The following SLCO1C1 variants were observed in gnomAD, a reference collection of about 807,000 sequenced individuals.
SLCO1C1 encodes the protein solute carrier organic anion transporter family member 1C1.
Under a neutral mutation model 76.4 loss-of-function variants are expected in SLCO1C1, and 70 were observed. The ratio of observed to expected loss-of-function variants is 0.92; its 90% confidence interval spans 0.76 to 1.12. The LOEUF is 1.12. Among genes scored for constraint, SLCO1C1 ranks in the 50% most tolerant of loss-of-function variants. SLCO1C1 has a pLI of 0.00. For synonymous variants in SLCO1C1, 306 were observed against 286.1 expected (o/e 1.07, Z -0.70); for missense variants, 912 against 823.8 (o/e 1.11, Z -1.31).
intron 9 of SLCO1C1, among the ~76,000 whole-genome samples, chr12:20,730,512 A>G (rs1948219524): frequency 6.6e-6 from 1 of 152,200 alleles, no homozygotes; most frequent in African/African-American, 2.4e-5. Flanking sequence ...TATATTTTCT[A>G]TAATCTATTC....
intron 4 of SLCO1C1, among the ~76,000 whole-genome samples, chr12:20,710,571 A>T (rs1947039919): frequency 6.6e-6 from 1 of 152,168 alleles, no homozygotes; most frequent in South Asian, 2.1e-4. Flanking sequence ...CAGGCTGCCC[A>T]CTAAGCAATG....
Position 20,750,732 on chromosome 12 carries a change from G to A in SLCO1C1, c.1856G>A (p.Trp619Ter). ...TTGATTGATACTTCATGCCTCAAAT[G>A]GGGATTTAAAAGATGTGGAAGTAGA... is the stretch of plus-strand genomic sequence containing the variant. Reference protein sequence around the residue: ...GVLIDTSCLKWGFKRCGSRGS... With the variant: ...GVLIDTSCLK The change falls in exon 14 of 15, where the codon TGG becomes TAG. Residue 619 changes from tryptophan to a stop codon, truncating the protein, a stop_gained. Transcript: ENST00000266509. LOFTEE classifies it high-confidence loss of function. 1.2e-6 allele frequency: 2 copies of A among 1,614,040 alleles called. No homozygotes were observed. The highest frequency in any genetic ancestry group is 1.7e-6 in the Non-Finnish European group (2 of 1,179,946).
rs984886473 is a variant in SLCO1C1 at position 20,732,779 on chromosome 12, T to C, written c.1187-130T>C. On this transcript the variant is annotated intron_variant, in intron 9 of 14. Coordinates refer to ENST00000266509, the MANE Select transcript of SLCO1C1 (RefSeq NM_017435.5). Reference sequence around the variant, plus strand: ...CTAGATACTCATCATACACTCTTTGTATATGTCAGTAGATGATAGTGACTA... The same window carrying C: ...CTAGATACTCATCATACACTCTTTGCATATGTCAGTAGATGATAGTGACTA... The C allele has an allele frequency of 1.2e-5, 11 of 913,128 alleles. No individual in the cohort carries two copies. In the African/African-American group the frequency reaches 1.5e-4, roughly 13 times the overall value. The allele number at this position is 913,128 out of a possible 1,614,324, so 56.6% of individuals were successfully genotyped here. A position where few individuals can be genotyped will look rare whatever the true frequency, so the allele number is the denominator to read the frequency against.
intron 13 of SLCO1C1, among the ~76,000 whole-genome samples, 181 bp downstream of exon 13, chr12:20,743,550 C>T (rs1462892585): frequency 6.6e-6 from 1 of 152,058 alleles, no homozygotes; most frequent in African/African-American, 2.4e-5. Flanking sequence ...CTCCTTTCTT[C>T]GTTACAGAAA....
rs370037462 is a variant in SLCO1C1 at position 20,727,344 on chromosome 12, C to T, written c.1186+4090C>T. Among the ~76,000 whole-genome samples the T allele has an allele frequency of 4.1e-4, 62 of 152,242 alleles. 1 individual carries two copies. In the South Asian group the frequency reaches 0.012, roughly 30 times the overall value. On this transcript the variant is annotated intron_variant, in intron 9 of 14. Transcript: ENST00000266509. ...CAACCTACAAGCATCCCCTTTTCTC[C>T]GCAGCCTCACCAACATCTGTTATTT...
rs1181677374 is a variant in SLCO1C1 at position 20,752,570 on chromosome 12, T to G, written c.*42T>G. 1 of 1,462,708 alleles carries G rather than the reference T, an allele frequency of 6.8e-7. No homozygotes were observed. The highest frequency in any genetic ancestry group is 1.4e-5 in the South Asian group (1 of 72,750). 90.6% of individuals were successfully genotyped at this position (1,462,708 alleles called of 1,614,324 possible). On this transcript the variant is annotated 3_prime_UTR_variant, in exon 15 of 15. Transcript: ENST00000266509. ...AGTCATGTCTTCTAATTGGTTGACA[T>G]TTTGCAAACAAATAAATTGTAATCA...
intron 9 of SLCO1C1, among the ~76,000 whole-genome samples, chr12:20,728,119 G>A (rs1948113352): frequency 6.6e-6 from 1 of 152,048 alleles, no homozygotes; most frequent in Admixed American, 6.6e-5. Flanking sequence ...TTTTTACTAG[G>A]CTTTCTTCAG....
Position 20,717,161 on chromosome 12 carries a change from C to A in SLCO1C1, c.706C>A (p.Pro236Thr), listed in dbSNP as rs1947401230. The A allele has an allele frequency of 5.0e-6, 8 of 1,602,270 alleles. No individual in the cohort carries two copies. Among genetic ancestry groups the A allele is most frequent in the South Asian group, 1.1e-5 (1 of 88,144 alleles). The change falls in exon 7 of 15, where the codon CCA (proline) becomes ACA (threonine). Residue 236 changes from proline to threonine, a missense_variant. Coordinates refer to ENST00000266509, the MANE Select transcript of SLCO1C1 (RefSeq NM_017435.5). ...TGTGCAGACGGTTGCAATTATAGGA[C>A]CAATCTTTGGTTTCCTGTTAGGCTC... Reference protein sequence around the residue: ...GCVQTVAIIGPIFGFLLGSLC... With the variant: ...GCVQTVAIIGTIFGFLLGSLC...
At chr12:20,749,400 CT>C (rs1949191122) in intron 13 of SLCO1C1, among the ~76,000 whole-genome samples, 1 of 152,126 alleles carries the variant, frequency 6.6e-6, no homozygotes, top group Non-Finnish European at 1.5e-5. Flanking sequence ...GAGGCAGCTG[CT>C]GCTTAACTCC....
At chr12:20,737,374 C>G in intron 11 of SLCO1C1, 102 bp downstream of exon 11, 1 of 1,187,584 alleles carries the variant, frequency 8.4e-7, no homozygotes, top group Non-Finnish European at 1.1e-6. Flanking sequence ...AGGAGGCTTG[C>G]CTCTTACCTC....
chr12:20,715,280 A>G lies in SLCO1C1; in HGVS notation c.671A>G (p.Tyr224Cys), dbSNP rs2120704310. 1 of 1,613,424 alleles carries G rather than the reference A, an allele frequency of 6.2e-7. No individual in the cohort carries two copies. Residue 224 changes from tyrosine to cysteine, a missense_variant, in exon 6 of 15, where the codon TAT (tyrosine) becomes TGT (cysteine). Tyr to Cys is a radical substitution (Grantham distance 194). Coordinates refer to ENST00000266509, the MANE Select transcript of SLCO1C1 (RefSeq NM_017435.5). ...DFASEDNAAF[Y>C]IGCVQTVAII... Reference sequence around the variant, plus strand: ...GCCAGTGAAGACAATGCAGCTTTCTATATTGGTAATATTGGCATATTGCTT... The same window carrying G: ...GCCAGTGAAGACAATGCAGCTTTCTGTATTGGTAATATTGGCATATTGCTT...
At chr12:20,721,612 G>C (rs564346432) in intron 7 of SLCO1C1, among the ~76,000 whole-genome samples, 192 bp from the exon 8 acceptor site, 29 of 152,136 alleles carry the variant, frequency 1.9e-4, no homozygotes, top group Non-Finnish European at 3.7e-4. Flanking sequence ...CATTGTGGTG[G>C]TCTGGAGCTG....
chr12:20,710,793 C>T (rs974986269), intron 4 of SLCO1C1, among the ~76,000 whole-genome samples: 3 of 152,168 alleles, frequency 2.0e-5, no homozygotes, highest in African/African-American at 7.2e-5. Flanking sequence ...GATGGCAATA[C>T]ATTGTTCAAT....
At chr12:20,732,510 AG>A (rs1948329630) in intron 9 of SLCO1C1, among the ~76,000 whole-genome samples, 1 of 152,198 alleles carries the variant, frequency 6.6e-6, no homozygotes, top group Non-Finnish European at 1.5e-5. Context: ...CCAGGGCGGG[AG>A]GCAGAAAATA....
chr12:20,720,368 T>C (rs1200155965), intron 7 of SLCO1C1, among the ~76,000 whole-genome samples: 6 of 152,230 alleles, frequency 3.9e-5, no homozygotes, highest in Admixed American at 2.6e-4. Context: ...TCAAGTCTTA[T>C]TATTTAAGAA....
intron 13 of SLCO1C1, among the ~76,000 whole-genome samples, chr12:20,747,991 C>G (rs937665837): frequency 7.2e-5 from 11 of 152,272 alleles, no homozygotes; most frequent in African/African-American, 2.6e-4. Flanking sequence ...TCTTCTATAA[C>G]ATGTTTGGTG....
chr12:20,728,539 A>G (rs1416303336), intron 9 of SLCO1C1, among the ~76,000 whole-genome samples: 1 of 151,506 alleles, frequency 6.6e-6, no homozygotes, highest in African/African-American at 2.4e-5. Flanking sequence ...TGGAGGTGTT[A>G]CACAGACAAG....
chr12:20,710,488 G>A (rs976984042), intron 4 of SLCO1C1, among the ~76,000 whole-genome samples: 2 of 152,130 alleles, frequency 1.3e-5, no homozygotes, highest in African/African-American at 2.4e-5. Flanking sequence ...TACAAAGAGT[G>A]TGGAGAACGT....
At chr12:20,736,410 G>T (rs1408410593) in intron 10 of SLCO1C1, among the ~76,000 whole-genome samples, 2 of 151,956 alleles carry the variant, frequency 1.3e-5, no homozygotes, top group African/African-American at 2.4e-5. Flanking sequence ...CACTTAGTAG[G>T]CTTCCAGTAA....
Sources: allele counts gnomAD v4.1 joint callset (sites outside exome capture counted in the v4.1 genomes callset), GRCh38; gene constraint gnomAD v4.1.1; transcripts MANE v1.5; gene names NCBI Gene and HGNC (gene_info 2026-07-23, HGNC 2026-07-21).